The following PPM1H variants were observed in gnomAD, a reference collection of about 807,000 sequenced individuals.
PPM1H encodes protein phosphatase 1H.
Under a neutral mutation model 54.9 loss-of-function variants are expected in PPM1H, and 27 were observed. The observed-to-expected ratio is 0.49, with a 90% CI of 0.36 to 0.68. The LOEUF (loss-of-function observed/expected upper bound fraction) is 0.68, where lower values mean the gene tolerates loss of function less well. PPM1H is among the 30% of genes least tolerant of loss of function. The pLI is 0.00. For missense variants in PPM1H, 596 were observed against 667.8 expected (o/e 0.89, Z 1.19); for synonymous variants, 305 against 270.8 (o/e 1.13, Z -1.24).
At chr12:62,691,993 A>G (rs901146204) in intron 7 of PPM1H, among the ~76,000 whole-genome samples, 2 of 152,132 alleles carry the variant, frequency 1.3e-5, no homozygotes, top group African/African-American at 4.8e-5. Context: ...TTTCCAGCCA[A>G]AGAAATCTGA....
chr12:62,752,521 G>A (rs1317770354), intron 4 of PPM1H, among the ~76,000 whole-genome samples: 2 of 152,128 alleles, frequency 1.3e-5, no homozygotes, highest in Non-Finnish European at 2.9e-5. Context: ...AGATTGACAG[G>A]GGGATTGGGG....
intron 3 of PPM1H, among the ~76,000 whole-genome samples, chr12:62,795,510 G>A (rs992650564): frequency 2.6e-5 from 4 of 151,952 alleles, no homozygotes; most frequent in East Asian, 1.9e-4. Context: ...GCAGTGGTGC[G>A]ATCTCTGCTC....
At chr12:62,842,985 G>A (rs1245942743) in intron 1 of PPM1H, among the ~76,000 whole-genome samples, 3 of 152,130 alleles carry the variant, frequency 2.0e-5, no homozygotes, top group African/African-American at 7.2e-5. Context: ...TTTCTCATAT[G>A]GTAGCTGTCT....
At chr12:62,694,564 C>T (rs1177208718) in intron 6 of PPM1H, among the ~76,000 whole-genome samples, 1 of 152,172 alleles carries the variant, frequency 6.6e-6, no homozygotes, top group Non-Finnish European at 1.5e-5. Context: ...GTTTATGCCT[C>T]AATGGTTTAT....
chr12:62,734,004 G>A (rs1449141448), intron 5 of PPM1H, among the ~76,000 whole-genome samples: 1 of 152,162 alleles, frequency 6.6e-6, no homozygotes, highest in Non-Finnish European at 1.5e-5. Flanking sequence ...CAAATCCCCA[G>A]TGTGATGGCA....
At chr12:62,822,166 T>G (rs1275266320) in intron 2 of PPM1H, among the ~76,000 whole-genome samples, 1 of 152,146 alleles carries the variant, frequency 6.6e-6, no homozygotes, top group African/African-American at 2.4e-5. Context: ...AGAAGGCCAT[T>G]ACATAATGGT....
intron 4 of PPM1H, among the ~76,000 whole-genome samples, chr12:62,778,942 A>G (rs1412088792): frequency 6.6e-6 from 1 of 152,140 alleles, no homozygotes; most frequent in Non-Finnish European, 1.5e-5. Context: ...AAGGAAAGGA[A>G]AAAGGAAAGA....
Position 62,776,992 on chromosome 12 carries a change from C to T in PPM1H, c.869+11234G>A, listed in dbSNP as rs147064157. Among the ~76,000 whole-genome samples the T allele has an allele frequency of 1.5e-3, 233 of 152,272 alleles. 3 individuals carry two copies. The highest frequency in any genetic ancestry group is 0.014 in the Middle Eastern group (4 of 294). On this transcript the variant is annotated intron_variant, in intron 4 of 9. Coordinates refer to ENST00000228705, the MANE Select transcript of PPM1H (RefSeq NM_020700.2). ...AAACCATTGTCTGTTGATGGTGGCTCAATGAGGGTTATATTTCACAAAAAC... is the reference window on the plus strand; with the variant it reads ...AAACCATTGTCTGTTGATGGTGGCTTAATGAGGGTTATATTTCACAAAAAC...
intron 6 of PPM1H, among the ~76,000 whole-genome samples, chr12:62,712,141 T>C (rs539992145): frequency 6.6e-6 from 1 of 152,112 alleles, no homozygotes; most frequent in Non-Finnish European, 1.5e-5. Flanking sequence ...CCATTCTGAG[T>C]TGGACTCCAG....
At chr12:62,810,499 G>C (rs1056130996) in intron 2 of PPM1H, among the ~76,000 whole-genome samples, 1 of 152,174 alleles carries the variant, frequency 6.6e-6, no homozygotes, top group East Asian at 1.9e-4. Flanking sequence ...TTCTGAGCTA[G>C]GGCATATCCA....
intron 6 of PPM1H, among the ~76,000 whole-genome samples, chr12:62,697,782 G>A (rs1401856464): frequency 1.3e-5 from 2 of 151,996 alleles, no homozygotes; most frequent in Admixed American, 1.3e-4. Flanking sequence ...TTAAGAACTA[G>A]CGCCCCAAAC....
chr12:62,722,550 T>C (rs1442420114), intron 5 of PPM1H, among the ~76,000 whole-genome samples: 2 of 152,156 alleles, frequency 1.3e-5, no homozygotes, highest in Non-Finnish European at 2.9e-5. Flanking sequence ...TTACAAAAGA[T>C]AGTAAAGGGG....
At chr12:62,676,894 A>C (rs1327178933) in intron 8 of PPM1H, among the ~76,000 whole-genome samples, 2 of 152,134 alleles carry the variant, frequency 1.3e-5, no homozygotes, top group African/African-American at 4.8e-5. Flanking sequence ...CAAGCCAAGG[A>C]TGACTTGAAG....
intron 9 of PPM1H, among the ~76,000 whole-genome samples, chr12:62,658,127 G>A (rs1035875462): frequency 3.4e-5 from 5 of 147,390 alleles, no homozygotes; most frequent in Admixed American, 6.8e-5. Flanking sequence ...AGCACTTTGG[G>A]AGGCCAAGGC....
At chr12:62,930,326 C>T (rs978840841) in intron 1 of PPM1H, among the ~76,000 whole-genome samples, 4 of 152,030 alleles carry the variant, frequency 2.6e-5, no homozygotes, top group African/African-American at 9.7e-5. Context: ...TCCAGGGGTA[C>T]TTTTATAAGA....
At chr12:62,861,644 A>G (rs990801542) in intron 1 of PPM1H, among the ~76,000 whole-genome samples, 2 of 152,256 alleles carry the variant, frequency 1.3e-5, no homozygotes, top group Admixed American at 1.3e-4. Flanking sequence ...ATATGGTTAT[A>G]GAGAAAGAGG....
chr12:62,765,257 A>G (rs992304506), intron 4 of PPM1H, among the ~76,000 whole-genome samples: 2 of 152,166 alleles, frequency 1.3e-5, no homozygotes, highest in African/African-American at 2.4e-5. Flanking sequence ...ATCAGAACTG[A>G]TGTGTGAGGA....
Position 62,784,997 on chromosome 12 carries a change from G to C in PPM1H, c.869+3229C>G, listed in dbSNP as rs543470511. The stretch of plus-strand genomic sequence containing the variant: ...ACCCCAAATTTATATCTGGATACTG[G>C]GACTAGAATACTGTAAGCATAATTA... On this transcript the variant is annotated intron_variant, in intron 4 of 9. Transcript: ENST00000228705. Among the ~76,000 whole-genome samples the C allele has an allele frequency of 4.6e-5, 7 of 152,102 alleles. No homozygotes were observed. The East Asian group carries it at 1.4e-3, about 29-fold the overall frequency.
At position 62,723,697 on chromosome 12, in the gene PPM1H, T is replaced by C. The variant is rs559392848; in HGVS notation, c.955-3408A>G. ...ATTTTGTTCTTTATAAATTACTCAG[T>C]TTGTAGTATTGTTATAGCAGCACCA... On this transcript the variant is annotated intron_variant, in intron 5 of 9. Coordinates refer to ENST00000228705, the MANE Select transcript of PPM1H (RefSeq NM_020700.2). Among the ~76,000 whole-genome samples the C allele has an allele frequency of 4.7e-4, 72 of 152,288 alleles. No individual in the cohort carries two copies. The South Asian group carries it at 5.8e-3, about 12-fold the overall frequency.
Sources: gnomAD v4.1 joint callset for allele counts (sites outside exome capture counted in the v4.1 genomes callset) on GRCh38, gnomAD v4.1.1 for gene constraint, MANE v1.5 for transcripts, NCBI Gene and HGNC (gene_info 2026-07-23, HGNC 2026-07-21) for gene names.